The following SV2C variants were observed in gnomAD, a reference collection of about 807,000 sequenced individuals.
SV2C encodes solute carrier family 22 member B3.
A neutral mutation model predicts 79.7 loss-of-function variants in SV2C; 49 were observed. The ratio of observed to expected loss-of-function variants is 0.61; its 90% CI spans 0.49 to 0.78. The LOEUF (loss-of-function observed/expected upper bound fraction) is 0.78. Among genes scored for constraint, SV2C ranks in the 30% least tolerant of loss-of-function variants. SV2C has a pLI of 0.00. For synonymous variants in SV2C, 334 were observed against 333.2 expected, an observed-to-expected ratio of 1.00 and a Z score of -0.03; for missense variants, 833 against 912.9, an observed-to-expected ratio of 0.91 and a Z score of 1.13.
chr5:76,149,697 C>T (rs113248455), intron 2 of SV2C, among the ~76,000 whole-genome samples: 1 of 152,024 alleles, frequency 6.6e-6, no homozygotes, highest in African/African-American at 2.4e-5. Context: ...AATGTCTTAC[C>T]CGCAGCTGAG....
the SV2C span, among the ~76,000 whole-genome samples, chr5:76,054,714 T>A: frequency 6.6e-6 from 1 of 152,224 alleles, no homozygotes; most frequent in Non-Finnish European, 1.5e-5. Context: ...TATCTCATTG[T>A]GGTTCTGATT....
chr5:76,217,906 C>A (rs1339561652), intron 4 of SV2C, among the ~76,000 whole-genome samples: 1 of 152,160 alleles, frequency 6.6e-6, no homozygotes, highest in African/African-American at 2.4e-5. Context: ...TATAAAGACC[C>A]ATTTTCAAGG....
intron 4 of SV2C, among the ~76,000 whole-genome samples, chr5:76,277,113 A>G (rs1747046065): frequency 6.6e-6 from 1 of 152,258 alleles, no homozygotes; most frequent in South Asian, 2.1e-4. Flanking sequence ...GTGAAGGGAA[A>G]GATGCGAAGC....
chr5:75,855,401 T>G, the SV2C span, among the ~76,000 whole-genome samples: 3 of 152,168 alleles, frequency 2.0e-5, no homozygotes, highest in African/African-American at 7.2e-5. Context: ...TACTGACTTT[T>G]GTGATAGATT....
intron 4 of SV2C, among the ~76,000 whole-genome samples, chr5:76,252,184 A>G (rs1746135898): frequency 6.6e-6 from 1 of 152,154 alleles, no homozygotes; most frequent in African/African-American, 2.4e-5. Flanking sequence ...CAATGGTGCG[A>G]TCTTGGCTCA....
intron 4 of SV2C, among the ~76,000 whole-genome samples, chr5:76,232,807 T>G (rs1745468596): frequency 7.0e-6 from 1 of 143,750 alleles, no homozygotes; most frequent in Non-Finnish European, 1.5e-5. Flanking sequence ...TATCTCTGTT[T>G]TGGTACCAGT....
intron 12 of SV2C, among the ~76,000 whole-genome samples, chr5:76,321,964 A>C (rs1220604037): frequency 6.6e-6 from 1 of 152,068 alleles, no homozygotes; most frequent in Non-Finnish European, 1.5e-5. Flanking sequence ...CAAATGTTAC[A>C]TTGGCTCACT....
the SV2C span, among the ~76,000 whole-genome samples, chr5:76,048,992 AAAG>A: frequency 7.5e-3 from 734 of 98,086 alleles, 17 homozygotes; most frequent in African/African-American, 0.024. Context: ...AGAAAGAAAG[AAAG>A]AAAGAAAGAA....
the SV2C span, among the ~76,000 whole-genome samples, chr5:75,848,526 G>A: frequency 6.6e-6 from 1 of 152,216 alleles, no homozygotes; most frequent in South Asian, 2.1e-4. Context: ...TGGTTGCGAG[G>A]AGAATCACTG....
At chr5:76,089,077 A>G (rs191974672) in intron 1 of SV2C, among the ~76,000 whole-genome samples, 38 of 152,336 alleles carry the variant, frequency 2.5e-4, no homozygotes. Context: ...GGTTTGTAAC[A>G]TAGGTAAACA....
intron 4 of SV2C, among the ~76,000 whole-genome samples, chr5:76,230,984 C>A (rs1444282838): frequency 2.0e-5 from 3 of 152,178 alleles, no homozygotes; most frequent in Non-Finnish European, 4.4e-5. Context: ...ATCCTGAGTT[C>A]CTGTGTAAGT....
At chr5:75,866,532 T>G in the SV2C span, among the ~76,000 whole-genome samples, 1 of 152,220 alleles carries the variant, frequency 6.6e-6, no homozygotes, top group Non-Finnish European at 1.5e-5. Flanking sequence ...GTGATAGAAC[T>G]GAAATTTGGG....
At chr5:76,115,072 C>G (rs1474933907) in intron 1 of SV2C, among the ~76,000 whole-genome samples, 2 of 152,130 alleles carry the variant, frequency 1.3e-5, no homozygotes, top group African/African-American at 4.8e-5. Context: ...TAAACAAACT[C>G]ACCGTTTATG....
intron 12 of SV2C, among the ~76,000 whole-genome samples, chr5:76,351,072 G>C (rs538703802): frequency 6.6e-6 from 1 of 151,922 alleles, no homozygotes; most frequent in African/African-American, 2.4e-5. Context: ...TGATGCATCT[G>C]CATCACTGGG....
the SV2C span, among the ~76,000 whole-genome samples, chr5:75,879,384 A>T: frequency 6.6e-6 from 1 of 152,186 alleles, no homozygotes; most frequent in Non-Finnish European, 1.5e-5. Context: ...TATTTCCAAG[A>T]TACAATGGGA....
chr5:75,873,211 A>G, the SV2C span, among the ~76,000 whole-genome samples: 1 of 152,174 alleles, frequency 6.6e-6, no homozygotes, highest in Non-Finnish European at 1.5e-5. Flanking sequence ...ACATGAATCA[A>G]TTGGTGAAAT....
the SV2C span, among the ~76,000 whole-genome samples, chr5:76,030,275 TTTTTTTTTTTTTTTTTTA>T: frequency 9.0e-6 from 1 of 110,832 alleles, no homozygotes; most frequent in Admixed American, 8.9e-5. Flanking sequence ...TGTTTTTTTT[TTTTTTTTTTTTTTTTTTA>T]TTTATTCCTG....
chr5:76,305,407 C>T (rs1748154656), intron 12 of SV2C, among the ~76,000 whole-genome samples: 1 of 152,144 alleles, frequency 6.6e-6, no homozygotes, highest in African/African-American at 2.4e-5. Flanking sequence ...ATTTTGTATT[C>T]CTCCACCCAT....
At position 76,131,799 on chromosome 5, in the gene SV2C, G is replaced by A; in HGVS notation, c.49G>A (p.Asp17Asn). 6.2e-7 allele frequency: 1 copy of A among 1,613,974 alleles called. No homozygotes were observed. Among genetic ancestry groups the A allele is most frequent in the East Asian group, 2.2e-5 (1 of 44,844 alleles). The change falls in exon 2 of 13, where the codon GAC (aspartate) becomes AAC (asparagine). Residue 17 changes from aspartate (D) to asparagine (N), a missense_variant. Transcript: ENST00000502798. The part of the protein sequence containing the change: ...DRTSLMKGAK[D>N]IAREVKKQTV... ...GACTTCACTGATGAAGGGTGCCAAG[G>A]ACATTGCCAGAGAGGTGAAGAAACA...
Sources: allele counts gnomAD v4.1 joint callset (sites outside exome capture counted in the v4.1 genomes callset), GRCh38; gene constraint gnomAD v4.1.1; transcripts MANE v1.5; gene names NCBI Gene and HGNC (gene_info 2026-07-23, HGNC 2026-07-21).